The following DLGAP1 variants were observed in gnomAD, a reference collection of about 807,000 sequenced individuals.
The protein encoded by DLGAP1 is disks large-associated protein 1.
A neutral mutation model predicts 90.8 loss-of-function variants in DLGAP1; 11 were observed. The ratio of observed to expected loss-of-function variants is 0.12; its 90% CI spans 0.08 to 0.20. The LOEUF (loss-of-function observed/expected upper bound fraction) is 0.20. DLGAP1 is among the 10% of genes least tolerant of loss of function. The probability of loss-of-function intolerance (pLI) is 1.00; values close to 1 mark genes in which losing one functional copy is unlikely to be tolerated. For missense variants in DLGAP1, 1,050 were observed against 1,333.8 expected (o/e 0.79, Z 3.31); for synonymous variants, 558 against 540.7 (o/e 1.03, Z -0.44).
intron 2 of DLGAP1, among the ~76,000 whole-genome samples, chr18:4,111,188 TG>T: frequency 6.6e-6 from 1 of 152,294 alleles, no homozygotes; most frequent in South Asian, 2.1e-4. Context: ...TTTTTTCTGT[TG>T]TATTGATATG....
intron 5 of DLGAP1, among the ~76,000 whole-genome samples, chr18:3,757,919 G>T (rs1334510397): frequency 6.6e-6 from 1 of 152,072 alleles, no homozygotes; most frequent in Admixed American, 6.5e-5. Context: ...TTCAAGACCA[G>T]CCTGGCCAAG....
chr18:3,693,276 T>TG (rs910936961), intron 7 of DLGAP1, among the ~76,000 whole-genome samples: 5 of 151,990 alleles, frequency 3.3e-5, no homozygotes, highest in African/African-American at 9.7e-5. Flanking sequence ...TTGTAGAGAT[T>TG]GGGGTCTCCC....
At chr18:3,664,228 A>C (rs1342954366) in intron 7 of DLGAP1, among the ~76,000 whole-genome samples, 1 of 150,342 alleles carries the variant, frequency 6.7e-6, no homozygotes, top group Admixed American at 6.6e-5. Context: ...CCACACACAC[A>C]CACACACACG....
At chr18:4,412,871 G>A (rs1180447274) in intron 1 of DLGAP1, among the ~76,000 whole-genome samples, 2 of 152,210 alleles carry the variant, frequency 1.3e-5, no homozygotes, top group African/African-American at 4.8e-5. Context: ...ATTTGCCAAA[G>A]TCCTAAGAAA....
chr18:3,628,290 A>C (rs1207390805), intron 7 of DLGAP1, among the ~76,000 whole-genome samples: 8 of 146,206 alleles, frequency 5.5e-5, no homozygotes, highest in Non-Finnish European at 1.0e-4. Context: ...CCCGGGTTCG[A>C]GCGATTCTCC....
At chr18:3,685,283 C>A (rs1230642872) in intron 7 of DLGAP1, among the ~76,000 whole-genome samples, 1 of 152,096 alleles carries the variant, frequency 6.6e-6, no homozygotes, top group African/African-American at 2.4e-5. Context: ...AAGATGGGGC[C>A]TGGTGTGGTG....
chr18:3,909,775 C>T (rs1330913232), intron 3 of DLGAP1, among the ~76,000 whole-genome samples: 1 of 152,150 alleles, frequency 6.6e-6, no homozygotes, highest in South Asian at 2.1e-4. Flanking sequence ...TCTTAAAAGA[C>T]ACTTTCAATG....
chr18:4,247,377 C>T (rs939707647), intron 1 of DLGAP1, among the ~76,000 whole-genome samples: 1 of 152,242 alleles, frequency 6.6e-6, no homozygotes, highest in South Asian at 2.1e-4. Flanking sequence ...AGGAAGAGAA[C>T]CAGAATTCGA....
chr18:3,752,458 T>G (rs145758837), intron 5 of DLGAP1, among the ~76,000 whole-genome samples: 2,933 of 152,030 alleles, frequency 0.019, 52 homozygotes, highest in Middle Eastern at 0.085. Flanking sequence ...TCCGTGGCCT[T>G]TGGTATCTGT....
At chr18:4,253,835 C>T (rs1220727550) in intron 1 of DLGAP1, among the ~76,000 whole-genome samples, 2 of 152,112 alleles carry the variant, frequency 1.3e-5, no homozygotes, top group South Asian at 2.1e-4. Context: ...TTGCAAGAGA[C>T]GAGACTCAAT....
intron 3 of DLGAP1, among the ~76,000 whole-genome samples, chr18:3,959,465 G>A (rs752002269): frequency 6.6e-6 from 1 of 152,026 alleles, no homozygotes; most frequent in Non-Finnish European, 1.5e-5. Context: ...TCAGGAGTCC[G>A]AGACCAGCCT....
intron 1 of DLGAP1, among the ~76,000 whole-genome samples, chr18:4,397,753 T>G (rs2082470294): frequency 6.6e-6 from 1 of 152,238 alleles, no homozygotes; most frequent in African/African-American, 2.4e-5. Context: ...AAGGATAGAC[T>G]GGTAATTTTT....
chr18:3,612,341 C>T (rs945410860), intron 7 of DLGAP1, among the ~76,000 whole-genome samples: 1 of 152,128 alleles, frequency 6.6e-6, no homozygotes, highest in African/African-American at 2.4e-5. Context: ...TGTAGAGAGG[C>T]TGAAAGGAAG....
At chr18:3,705,321 A>G (rs1295906565) in intron 7 of DLGAP1, among the ~76,000 whole-genome samples, 2 of 146,792 alleles carry the variant, frequency 1.4e-5, no homozygotes, top group East Asian at 3.9e-4. Context: ...TTTTTTTTCC[A>G]GGAAACTTCA....
chr18:3,790,801 GT>G (rs2065697976), intron 5 of DLGAP1, among the ~76,000 whole-genome samples: 1 of 152,144 alleles, frequency 6.6e-6, no homozygotes, highest in Non-Finnish European at 1.5e-5. Context: ...AGTGGGGAAG[GT>G]TTCCTTTGCA....
intron 1 of DLGAP1, among the ~76,000 whole-genome samples, chr18:4,283,015 T>C (rs2079591067): frequency 6.6e-6 from 1 of 151,958 alleles, no homozygotes; most frequent in African/African-American, 2.4e-5. Flanking sequence ...TTTGACATTA[T>C]GCCGTATGAA....
At chr18:4,397,407 T>G (rs1353433050) in intron 1 of DLGAP1, among the ~76,000 whole-genome samples, 1 of 152,224 alleles carries the variant, frequency 6.6e-6, no homozygotes, top group African/African-American at 2.4e-5. Context: ...CTTAAACATC[T>G]GATTTATTAC....
intron 1 of DLGAP1, among the ~76,000 whole-genome samples, chr18:4,185,412 C>A (rs1363408586): frequency 2.6e-5 from 4 of 151,998 alleles, no homozygotes; most frequent in Non-Finnish European, 5.9e-5. Context: ...TCTCCTCCAA[C>A]CCTCGACTCC....
chr18:3,561,611 G>A (rs923804370), intron 9 of DLGAP1, among the ~76,000 whole-genome samples: 4 of 150,224 alleles, frequency 2.7e-5, no homozygotes, highest in African/African-American at 5.0e-5. Context: ...TCACTTTTAC[G>A]GATAATTTCA....
Sources: gnomAD v4.1 joint callset for allele counts (sites outside exome capture counted in the v4.1 genomes callset) on GRCh38, gnomAD v4.1.1 for gene constraint, MANE v1.5 for transcripts, NCBI Gene and HGNC (gene_info 2026-07-23, HGNC 2026-07-21) for gene names.